Variants in SSBP1 observed in about 807,000 individuals in gnomAD.
The protein encoded by SSBP1 is single-stranded DNA-binding protein, mitochondrial.
A neutral mutation model predicts 27.0 loss-of-function variants in SSBP1; 20 were observed. The ratio of observed to expected loss-of-function variants is 0.74; its 90% CI spans 0.52 to 1.08. The LOEUF (loss-of-function observed/expected upper bound fraction) is 1.08. SSBP1 is among the 50% of genes least tolerant of loss of function. The pLI is 0.00. For missense variants in SSBP1, 137 were observed against 182.4 expected, an observed-to-expected ratio of 0.75 and a Z score of 1.44; for synonymous variants, 59 against 59.3, an observed-to-expected ratio of 1.00 and a Z score of 0.02.
chr7:141,748,510 T>C (rs1350136701), intron 6 of SSBP1, among the ~76,000 whole-genome samples: 1 of 152,196 alleles, frequency 6.6e-6, no homozygotes, highest in Non-Finnish European at 1.5e-5. Flanking sequence ...TCTTTGAAAG[T>C]GTATTAACCT....
At chr7:141,746,794 G>A (rs956585826) in intron 6 of SSBP1, among the ~76,000 whole-genome samples, 3 of 152,178 alleles carry the variant, frequency 2.0e-5, no homozygotes, top group Non-Finnish European at 4.4e-5. Flanking sequence ...CCCTCTGGAT[G>A]TCTGCAAGCG....
At chr7:141,745,885 G>T in intron 6 of SSBP1, 3 of 1,096,808 alleles carry the variant, frequency 2.7e-6, no homozygotes, top group Non-Finnish European at 3.3e-6. Context: ...TGAATGTATT[G>T]TCTTTTGGAA....
chr7:141,739,136 G>A lies in SSBP1; in HGVS notation c.-31G>A, dbSNP rs959400274. 6.3e-7 allele frequency: 1 copy of A among 1,581,242 alleles called. No homozygotes were observed. Among genetic ancestry groups the A allele is most frequent in the African/African-American group, 1.4e-5 (1 of 73,322 alleles). Reference sequence around the variant, plus strand: ...TTTTTTCCTTCAGGAAAAGCCTAAAGATTAGACTGTAAGAAAAGAAAATAG... The same window carrying A: ...TTTTTTCCTTCAGGAAAAGCCTAAAAATTAGACTGTAAGAAAAGAAAATAG... On this transcript the variant is annotated 5_prime_UTR_variant, in exon 2 of 7. Transcript: ENST00000265304.
At chr7:141,746,997 A>G (rs1482385546) in intron 6 of SSBP1, among the ~76,000 whole-genome samples, 1 of 152,154 alleles carries the variant, frequency 6.6e-6, no homozygotes, top group East Asian at 1.9e-4. Flanking sequence ...GTATCTTAAT[A>G]GTATATGGTA....
At chr7:141,739,237 C>CTGTATTAATACTG in intron 2 of SSBP1, 47 bp downstream of exon 2, 1 of 1,503,990 alleles carries the variant, frequency 6.6e-7, no homozygotes, top group African/African-American at 1.4e-5. Context: ...CTATCAGCCA[C>CTGTATTAATACTG]AGTGATCAGA....
At chr7:141,745,951 G>A (rs530619811) in intron 6 of SSBP1, 2 of 1,008,656 alleles carry the variant, frequency 2.0e-6, no homozygotes, top group Non-Finnish European at 2.4e-6. Context: ...ACACTAATGT[G>A]AGTGTGCAGA....
chr7:141,750,221 G>C (rs1799912577), intron 6 of SSBP1, 90 bp from the exon 7 acceptor site: 1 of 908,408 alleles, frequency 1.1e-6, no homozygotes, highest in African/African-American at 1.7e-5. Flanking sequence ...TTAATGAACA[G>C]CACTAAAGTT....
intron 5 of SSBP1, among the ~76,000 whole-genome samples, chr7:141,744,230 A>G (rs1799679830): frequency 6.6e-6 from 1 of 152,224 alleles, no homozygotes; most frequent in African/African-American, 2.4e-5. Context: ...TAGGGCAAAC[A>G]GGGTGTGTAC....
intron 3 of SSBP1, among the ~76,000 whole-genome samples, chr7:141,742,647 G>T (rs754035616): frequency 2.1e-4 from 32 of 152,026 alleles, no homozygotes; most frequent in South Asian, 1.2e-3. Flanking sequence ...AAGAATTTAA[G>T]ATCTAGAGCT....
chr7:141,742,945 C>G (rs1799603423), intron 3 of SSBP1, among the ~76,000 whole-genome samples: 2 of 152,212 alleles, frequency 1.3e-5, no homozygotes, highest in Non-Finnish European at 2.9e-5. Context: ...AACTCTGCCT[C>G]CCGGGTTCAT....
chr7:141,739,467 G>C, intron 2 of SSBP1: 1 of 324,658 alleles, frequency 3.1e-6, no homozygotes. Flanking sequence ...GGACATTAAA[G>C]GTCTTTAGTG....
At chr7:141,740,010 T>A (rs1799467194) in intron 2 of SSBP1, 3 of 152,244 alleles carry the variant, frequency 2.0e-5, no homozygotes, top group Admixed American at 2.0e-4. Context: ...TAAAAAATTA[T>A]CCAAGTTAAA....
intron 2 of SSBP1, chr7:141,740,961 A>G (rs903793083): frequency 2.0e-5 from 3 of 152,224 alleles, no homozygotes; most frequent in Non-Finnish European, 4.4e-5. Flanking sequence ...AGGCAGTTTC[A>G]TAGACACAGG....
intron 6 of SSBP1, chr7:141,745,819 A>C (rs1430095466): frequency 7.8e-7 from 1 of 1,274,798 alleles, no homozygotes; most frequent in Non-Finnish European, 9.9e-7. Flanking sequence ...CTTTTGAATA[A>C]AGCCTAAAAC....
intron 6 of SSBP1, among the ~76,000 whole-genome samples, chr7:141,747,861 A>G (rs1197189700): frequency 1.3e-5 from 2 of 151,138 alleles, no homozygotes; most frequent in Admixed American, 6.6e-5. Flanking sequence ...AGCCGGGTCT[A>G]GTAATGCGTG....
intron 6 of SSBP1, among the ~76,000 whole-genome samples, chr7:141,749,257 A>G (rs1799887668): frequency 1.3e-5 from 2 of 152,248 alleles, no homozygotes; most frequent in Non-Finnish European, 2.9e-5. Context: ...TGTGATTACT[A>G]TACCATTTTA....
chr7:141,739,479 C>T (rs1269392573), intron 2 of SSBP1: 2 of 306,162 alleles, frequency 6.5e-6, no homozygotes, highest in African/African-American at 4.3e-5. Context: ...TCTTTAGTGA[C>T]CTAAAGACTG....
chr7:141,739,542 C>T (rs1799433797), intron 2 of SSBP1: 1 of 192,628 alleles, frequency 5.2e-6, no homozygotes, highest in Non-Finnish European at 1.1e-5. Context: ...CTTTTTTGAC[C>T]ATCTACCTCC....
chr7:141,748,803 T>C (rs1799872303), intron 6 of SSBP1, among the ~76,000 whole-genome samples: 1 of 152,218 alleles, frequency 6.6e-6, no homozygotes, highest in Non-Finnish European at 1.5e-5. Flanking sequence ...TTGGTGATTT[T>C]TTTTTCTCCT....
Sources: allele counts gnomAD v4.1 joint callset (sites outside exome capture counted in the v4.1 genomes callset), GRCh38; gene constraint gnomAD v4.1.1; transcripts MANE v1.5; gene names NCBI Gene and HGNC (gene_info 2026-07-23, HGNC 2026-07-21).